TYW1B: variants seen among roughly 807,000 people sequenced by gnomAD.
TYW1B encodes S-adenosyl-L-methionine-dependent tRNA 4-demethylwyosine synthase TYW1B.
In TYW1B, 73 loss-of-function variants were observed where a neutral mutation model predicts 86.9. The ratio of observed to expected loss-of-function variants is 0.84; its 90% CI spans 0.70 to 1.02. The LOEUF (loss-of-function observed/expected upper bound fraction) is 1.02, where lower values mean the gene tolerates loss of function less well. TYW1B is among the 50% of genes least tolerant of loss of function. The pLI is 0.00. For missense variants in TYW1B, 637 were observed against 827.4 expected (o/e 0.77, Z 2.82); for synonymous variants, 248 against 292.8 (o/e 0.85, Z 1.56).
At chr7:72,698,294 T>C (rs534047405) in intron 10 of TYW1B, among the ~76,000 whole-genome samples, 1 of 152,286 alleles carries the variant, frequency 6.6e-6, no homozygotes, top group Admixed American at 6.5e-5. Context: ...ATGCCCATTT[T>C]AGAGACGATG....
Position 72,589,059 on chromosome 7 carries a change from C to T in TYW1B, c.1786-13340G>A, listed in dbSNP as rs532583596. On this transcript the variant is annotated intron_variant, in intron 13 of 13. Coordinates refer to ENST00000620995, the MANE Select transcript of TYW1B (RefSeq NM_001145440.3). ...AACCCCTGACCTCAGGTGATCCACC[C>T]GCCTCAGCCTCCCAAAGTGCTGGGA... is the stretch of plus-strand genomic sequence containing the variant. Among the ~76,000 whole-genome samples, 9 of 152,298 alleles carry T rather than the reference C, an allele frequency of 5.9e-5. No individual in the cohort carries two copies. In the East Asian group the frequency reaches 1.2e-3, roughly 20 times the overall value.
intron 11 of TYW1B, among the ~76,000 whole-genome samples, chr7:72,648,847 CAAG>C (rs1283330487): frequency 1.3e-5 from 2 of 152,040 alleles, no homozygotes; most frequent in Admixed American, 6.6e-5. Flanking sequence ...CTGAGAGGCG[CAAG>C]ATGCACACAG....
chr7:72,595,625 C>G (rs1554432423), intron 13 of TYW1B, among the ~76,000 whole-genome samples: 1 of 152,012 alleles, frequency 6.6e-6, no homozygotes, highest in Non-Finnish European at 1.5e-5. Context: ...GGAAGTAGCA[C>G]CAAGTTGAGA....
intron 10 of TYW1B, among the ~76,000 whole-genome samples, chr7:72,700,824 T>TC (rs1258194221): frequency 6.6e-6 from 1 of 152,124 alleles, no homozygotes; most frequent in Non-Finnish European, 1.5e-5. Flanking sequence ...CCCACCACTT[T>TC]GGGAGGGCGA....
At chr7:72,800,314 C>T (rs1788382787) in intron 6 of TYW1B, among the ~76,000 whole-genome samples, 1 of 151,996 alleles carries the variant, frequency 6.6e-6, no homozygotes. Context: ...CCTTCCACCT[C>T]AGCCTCCCAA....
intron 2 of TYW1B, among the ~76,000 whole-genome samples, chr7:72,817,488 G>A (rs1447952218): frequency 3.3e-5 from 5 of 152,032 alleles, no homozygotes; most frequent in South Asian, 4.2e-4. Context: ...TTGGATATTC[G>A]TCCCCTCCAA....
chr7:72,784,754 T>C (rs571597746), intron 6 of TYW1B, among the ~76,000 whole-genome samples: 5 of 152,282 alleles, frequency 3.3e-5, no homozygotes, highest in South Asian at 4.1e-4. Context: ...AGCCTCAGCC[T>C]CCCAAAGCAC....
rs376640324 is a variant in TYW1B at position 72,810,659 on chromosome 7, T to C, written c.244A>G (p.Ser82Gly). The change falls in exon 4 of 14, where the codon AGT (serine) becomes GGT (glycine). Residue 82 changes from serine to glycine, a missense_variant. Physicochemically the swap from Ser to Gly is moderately conservative, Grantham distance 56. Coordinates refer to ENST00000620995, the MANE Select transcript of TYW1B (RefSeq NM_001145440.3). The part of the protein sequence containing the change: ...PDDHLIEEVT[S>G]KNVCVFLVAT... Reference sequence around the variant, plus strand: ...ACCAGGAAGACACAGACATTTTTACTAGTCACCTAACCAAGAAAGTAATTG... The same window carrying C: ...ACCAGGAAGACACAGACATTTTTACCAGTCACCTAACCAAGAAAGTAATTG... The C allele has an allele frequency of 1.1e-4, 180 of 1,606,250 alleles. No individual in the cohort carries two copies. The highest frequency in any genetic ancestry group is 1.5e-4 in the Non-Finnish European group (172 of 1,175,346).
intron 9 of TYW1B, among the ~76,000 whole-genome samples, chr7:72,726,114 T>C (rs1467290460): frequency 6.6e-6 from 1 of 152,202 alleles, no homozygotes; most frequent in East Asian, 1.9e-4. Flanking sequence ...ACCAACAGTT[T>C]CATTTAATTT....
At chr7:72,739,858 C>T (rs1264418511) in intron 8 of TYW1B, among the ~76,000 whole-genome samples, 3 of 137,764 alleles carry the variant, frequency 2.2e-5, no homozygotes, top group Admixed American at 1.5e-4. Flanking sequence ...TAAACTTTCA[C>T]CTCTGCCCGA....
intron 8 of TYW1B, among the ~76,000 whole-genome samples, chr7:72,734,902 C>A (rs1384780120): frequency 1.3e-5 from 2 of 152,232 alleles, no homozygotes; most frequent in African/African-American, 4.8e-5. Flanking sequence ...AAATCAAAAC[C>A]GCAATGAAAT....
chr7:72,575,445 C>T lies in TYW1B; in HGVS notation c.*53G>A, dbSNP rs201373807. The T allele has an allele frequency of 3.8e-4, 604 of 1,581,374 alleles. No individual in the cohort carries two copies. The highest frequency in any genetic ancestry group is 4.8e-4 in the Non-Finnish European group (557 of 1,166,076). On this transcript the variant is annotated 3_prime_UTR_variant, in exon 14 of 14. Coordinates refer to ENST00000620995, the MANE Select transcript of TYW1B (RefSeq NM_001145440.3). Reference sequence around the variant, plus strand: ...GGAGAATCAGAGTGGTGTTCAAGAACCTTTTGAGGCCATCCAAGTTTTTGT... The same window carrying T: ...GGAGAATCAGAGTGGTGTTCAAGAATCTTTTGAGGCCATCCAAGTTTTTGT...
At position 72,807,286 on chromosome 7, in the gene TYW1B, T is replaced by C. The variant is rs547750453; in HGVS notation, c.503A>G (p.Asp168Gly). 70 of 1,614,158 alleles carry C rather than the reference T, an allele frequency of 4.3e-5. 1 individual carries two copies. In the South Asian group the frequency reaches 7.1e-4, roughly 16 times the overall value. ...VHRVMSRGEG[D>G]CDVVKSKHGS... is the part of the protein sequence containing the mutation. Reference sequence around the variant, plus strand: ...GTGCTTGCTTTTAACCACGTCGCAGTCGCCCTCCCCTCGACTCATCACACG... The same window carrying C: ...GTGCTTGCTTTTAACCACGTCGCAGCCGCCCTCCCCTCGACTCATCACACG... The change falls in exon 5 of 14, where the codon GAC (aspartate) becomes GGC (glycine). Residue 168 changes from aspartate to glycine, a missense_variant. Asp to Gly is a moderately conservative substitution (Grantham distance 94). Coordinates refer to ENST00000620995, the MANE Select transcript of TYW1B (RefSeq NM_001145440.3).
chr7:72,647,704 T>G (rs1224637387), intron 11 of TYW1B, among the ~76,000 whole-genome samples: 9 of 151,950 alleles, frequency 5.9e-5, no homozygotes, highest in African/African-American at 2.2e-4. Flanking sequence ...TTTTTTTTTT[T>G]GAGACAGTTT....
At chr7:72,732,951 A>G (rs1317256065) in intron 8 of TYW1B, among the ~76,000 whole-genome samples, 3 of 152,178 alleles carry the variant, frequency 2.0e-5, no homozygotes, top group Admixed American at 6.5e-5. Flanking sequence ...GAATCATTAA[A>G]GACTGTTATA....
chr7:72,631,199 A>G (rs1406854816), intron 11 of TYW1B, among the ~76,000 whole-genome samples: 1 of 152,016 alleles, frequency 6.6e-6, no homozygotes, highest in Non-Finnish European at 1.5e-5. Flanking sequence ...GTCAATAGTC[A>G]ACACTATTCT....
At chr7:72,776,671 GAA>G (rs1787960976) in intron 7 of TYW1B, among the ~76,000 whole-genome samples, 1 of 149,726 alleles carries the variant, frequency 6.7e-6, no homozygotes, top group South Asian at 2.1e-4. Context: ...TTTTAAAAAT[GAA>G]TTAATTTGAA....
chr7:72,576,566 G>A (rs1469239356), intron 13 of TYW1B, among the ~76,000 whole-genome samples: 5 of 143,922 alleles, frequency 3.5e-5, no homozygotes, highest in African/African-American at 5.2e-5. Flanking sequence ...AGGCTGGAGT[G>A]TAGTGGCCTG....
At chr7:72,739,574 C>G (rs1226680559) in intron 8 of TYW1B, among the ~76,000 whole-genome samples, 1 of 150,472 alleles carries the variant, frequency 6.6e-6, no homozygotes, top group African/African-American at 2.5e-5. Flanking sequence ...CCATTGCACT[C>G]CAGCCTGGGT....
Sources: gnomAD v4.1 joint callset for allele counts (sites outside exome capture counted in the v4.1 genomes callset) on GRCh38, gnomAD v4.1.1 for gene constraint, MANE v1.5 for transcripts, NCBI Gene and HGNC (gene_info 2026-07-23, HGNC 2026-07-21) for gene names.